Variants in TMTC2 observed in about 807,000 individuals in gnomAD.
The protein encoded by TMTC2 is protein O-mannosyl-transferase TMTC2.
TMTC2 carries 43 observed loss-of-function variants against 82.4 expected under a neutral mutation model. The observed-to-expected ratio is 0.52, with a 90% CI of 0.41 to 0.67. The LOEUF (loss-of-function observed/expected upper bound fraction) is 0.67, where lower values mean the gene tolerates loss of function less well. Ranked by LOEUF, TMTC2 falls within the 30% of genes least tolerant of loss-of-function variation. The probability of loss-of-function intolerance (pLI) is 0.00; values close to 1 mark genes in which losing one functional copy is unlikely to be tolerated. For synonymous variants in TMTC2, 408 were observed against 381.9 expected, an observed-to-expected ratio of 1.07 and a Z score of -0.80; for missense variants, 919 against 1,012.4, an observed-to-expected ratio of 0.91 and a Z score of 1.25.
intron 1 of TMTC2, among the ~76,000 whole-genome samples, chr12:82,707,750 A>G (rs141918759): frequency 8.3e-4 from 127 of 152,340 alleles, no homozygotes; most frequent in Middle Eastern, 3.4e-3. Flanking sequence ...AACAGGAAAC[A>G]CACTCTGTTA....
chr12:83,093,028 A>C (rs563304052), intron 11 of TMTC2, among the ~76,000 whole-genome samples: 8 of 152,336 alleles, frequency 5.3e-5, no homozygotes, highest in African/African-American at 1.9e-4. Context: ...TTTCTCTGAA[A>C]GATCCCCACA....
intron 11 of TMTC2, among the ~76,000 whole-genome samples, chr12:83,100,230 T>C (rs1003135046): frequency 2.6e-5 from 4 of 152,086 alleles, no homozygotes; most frequent in Admixed American, 6.6e-5. Flanking sequence ...TTCTCGGAGT[T>C]TTTCAACCTG....
chr12:83,090,121 T>A (rs1407879682), intron 11 of TMTC2, among the ~76,000 whole-genome samples: 1 of 152,182 alleles, frequency 6.6e-6, no homozygotes, highest in Non-Finnish European at 1.5e-5. Flanking sequence ...TTGTTAACTG[T>A]AGTTTGGATG....
intron 11 of TMTC2, among the ~76,000 whole-genome samples, chr12:83,113,514 A>C (rs769101723): frequency 6.6e-6 from 1 of 152,220 alleles, no homozygotes; most frequent in Non-Finnish European, 1.5e-5. Context: ...TGAGCAGCAG[A>C]AGTTCTACCA....
At chr12:82,744,929 TA>T (rs1222597400) in intron 1 of TMTC2, among the ~76,000 whole-genome samples, 2 of 152,204 alleles carry the variant, frequency 1.3e-5, no homozygotes, top group African/African-American at 4.8e-5. Context: ...ACTACTAACT[TA>T]ATTTCTGAAG....
intron 7 of TMTC2, among the ~76,000 whole-genome samples, chr12:82,975,896 T>TA (rs1565835735): frequency 8.3e-4 from 23 of 27,572 alleles, no homozygotes; most frequent in African/African-American, 1.7e-3. Context: ...AAACTTTTTT[T>TA]TAAAAAAAAA....
chr12:82,805,125 C>G (rs182758342), intron 1 of TMTC2, among the ~76,000 whole-genome samples: 104 of 151,968 alleles, frequency 6.8e-4, no homozygotes, highest in African/African-American at 2.4e-3. Flanking sequence ...TGGCTAGCAA[C>G]GTAGAACTTT....
At chr12:83,053,764 G>A (rs1565870723) in intron 10 of TMTC2, among the ~76,000 whole-genome samples, 1 of 151,972 alleles carries the variant, frequency 6.6e-6, no homozygotes, top group African/African-American at 2.4e-5. Context: ...ATTCAATTTG[G>A]CAGTTCAGAT....
chr12:82,887,838 G>C (rs1873180724), intron 2 of TMTC2, among the ~76,000 whole-genome samples: 2 of 152,090 alleles, frequency 1.3e-5, no homozygotes, highest in South Asian at 4.1e-4. Context: ...CCAGCACTTT[G>C]GGAGGCTGAG....
At chr12:82,740,706 A>C (rs1277094571) in intron 1 of TMTC2, among the ~76,000 whole-genome samples, 2 of 152,122 alleles carry the variant, frequency 1.3e-5, no homozygotes, top group African/African-American at 4.8e-5. Flanking sequence ...TCTGTGCCAC[A>C]GACTTTCTCT....
intron 10 of TMTC2, among the ~76,000 whole-genome samples, chr12:83,057,220 C>T (rs372065078): frequency 4.6e-5 from 7 of 152,004 alleles, no homozygotes; most frequent in African/African-American, 1.4e-4. Flanking sequence ...TAGCAGCCCC[C>T]GAACAGTTTG....
intron 1 of TMTC2, among the ~76,000 whole-genome samples, chr12:82,726,517 A>G (rs983084204): frequency 2.0e-5 from 3 of 152,166 alleles, no homozygotes; most frequent in African/African-American, 7.2e-5. Context: ...TGTTATTTGC[A>G]TGTTTTACAA....
At chr12:82,710,614 A>G (rs2136912568) in intron 1 of TMTC2, among the ~76,000 whole-genome samples, 1 of 152,372 alleles carries the variant, frequency 6.6e-6, no homozygotes, top group East Asian at 1.9e-4. Flanking sequence ...GAAATATTTA[A>G]AAGTTTTATA....
intron 1 of TMTC2, among the ~76,000 whole-genome samples, chr12:82,803,238 G>A (rs950870603): frequency 6.6e-6 from 1 of 152,072 alleles, no homozygotes; most frequent in Non-Finnish European, 1.5e-5. Flanking sequence ...ACAAATATTG[G>A]ACTCATTCTC....
At chr12:82,766,745 C>G (rs1020040282) in intron 1 of TMTC2, among the ~76,000 whole-genome samples, 2 of 152,200 alleles carry the variant, frequency 1.3e-5, no homozygotes, top group Non-Finnish European at 2.9e-5. Context: ...TTCTTCTAGT[C>G]TCTCAATCTA....
At chr12:82,778,848 C>CAAAAAAAAAA (rs56354957) in intron 1 of TMTC2, among the ~76,000 whole-genome samples, 1 of 23,448 alleles carries the variant, frequency 4.3e-5, no homozygotes, top group African/African-American at 2.0e-4. Flanking sequence ...GACTCCGTCT[C>CAAAAAAAAAA]AAAAAAAAAA....
intron 7 of TMTC2, among the ~76,000 whole-genome samples, chr12:82,978,060 C>T (rs1374746998): frequency 6.6e-6 from 1 of 151,662 alleles, no homozygotes; most frequent in Non-Finnish European, 1.5e-5. Context: ...TGATATAATT[C>T]TTTCAGTCTT....
intron 11 of TMTC2, among the ~76,000 whole-genome samples, chr12:83,088,965 CT>C (rs1883751884): frequency 6.6e-6 from 1 of 152,116 alleles, no homozygotes; most frequent in Non-Finnish European, 1.5e-5. Context: ...CAGAAAATAC[CT>C]TTTTAGTTAG....
At chr12:82,752,161 T>TG (rs1876043641) in intron 1 of TMTC2, among the ~76,000 whole-genome samples, 2 of 151,026 alleles carry the variant, frequency 1.3e-5, no homozygotes, top group African/African-American at 4.9e-5. Flanking sequence ...TTTTTTTTTT[T>TG]TTTTTCTGAA....
Sources: gnomAD v4.1 joint callset for allele counts (sites outside exome capture counted in the v4.1 genomes callset) on GRCh38, gnomAD v4.1.1 for gene constraint, MANE v1.5 for transcripts, NCBI Gene and HGNC (gene_info 2026-07-23, HGNC 2026-07-21) for gene names.